The following STAU1 variants were observed in gnomAD, a reference collection of about 807,000 sequenced individuals.
The protein encoded by STAU1 is staufen double-stranded RNA binding protein 1, also known as double-stranded RNA-binding protein Staufen homolog 1.
STAU1 carries 13 observed loss-of-function variants against 62.9 expected under a neutral mutation model. The ratio of observed to expected loss-of-function variants is 0.21; its 90% CI spans 0.13 to 0.33. The LOEUF is 0.33. Ranked by LOEUF, STAU1 falls within the 10% of genes least tolerant of loss-of-function variation. The pLI is 1.00. For synonymous variants in STAU1, 269 were observed against 265.1 expected (o/e 1.01, Z -0.14); for missense variants, 571 against 712.1 (o/e 0.80, Z 2.25).
At chr20:49,150,151 G>C (rs1174150139) in intron 5 of STAU1, among the ~76,000 whole-genome samples, 1 of 152,092 alleles carries the variant, frequency 6.6e-6, no homozygotes, top group African/African-American at 2.4e-5. Context: ...CCCCTCAATG[G>C]CATGGAGTTA....
chr20:49,171,691 C>T (rs2093599268), intron 2 of STAU1, among the ~76,000 whole-genome samples: 1 of 152,212 alleles, frequency 6.6e-6, no homozygotes, highest in African/African-American at 2.4e-5. Flanking sequence ...CTTCTCCCTC[C>T]CAGCCCCCCA....
chr20:49,191,397 G>A (rs2093831058), upstream of STAU1, among the ~76,000 whole-genome samples: 1 of 152,084 alleles, frequency 6.6e-6, no homozygotes, highest in Admixed American at 6.6e-5. Flanking sequence ...TATCTGTTGA[G>A]TATATCTATT....
At chr20:49,121,541 C>T (rs3092791) in intron 8 of STAU1, among the ~76,000 whole-genome samples, 111,921 of 152,128 alleles carry the variant, frequency 0.74, 42,054 homozygotes, top group African/African-American at 0.88. Flanking sequence ...CCATTATGTG[C>T]TGTCTGATTT....
At chr20:49,204,972 CCACT>C in the STAU1 span, among the ~76,000 whole-genome samples, 5 of 151,274 alleles carry the variant, frequency 3.3e-5, no homozygotes, top group African/African-American at 1.2e-4. Context: ...TTTTCTCCAC[CCACT>C]GTCATAAAAA....
At chr20:49,166,838 G>A (rs1340732371) in intron 2 of STAU1, among the ~76,000 whole-genome samples, 1 of 152,132 alleles carries the variant, frequency 6.6e-6, no homozygotes, top group Admixed American at 6.5e-5. Context: ...GGTGATGAGA[G>A]ATGTATTGTT....
rs572494256 is a variant in STAU1 at position 49,128,705 on chromosome 20, ACT to A, written c.610-4120_610-4119del. On this transcript the variant is annotated intron_variant, in intron 6 of 13. Coordinates refer to ENST00000371856, the MANE Select transcript of STAU1 (RefSeq NM_017453.4). ...TCCCAGCCTGGGCGACAAGAGCAAA[ACT>A]CTGTCTCAAAAAATAAAGGACTGTC... Among the ~76,000 whole-genome samples, 212 of 150,176 alleles carry A rather than the reference ACT, an allele frequency of 1.4e-3. 1 individual carries two copies. The highest frequency in any genetic ancestry group is 4.6e-3 in the African/African-American group (186 of 40,540).
chr20:49,213,286 C>T, the STAU1 span, among the ~76,000 whole-genome samples: 10 of 151,772 alleles, frequency 6.6e-5, no homozygotes, highest in East Asian at 1.9e-4. Context: ...GCTGGAGTGC[C>T]GTGGCGCAAT....
Position 49,145,241 on chromosome 20 carries a change from T to G in STAU1, c.510+6341A>C, listed in dbSNP as rs67493040. On this transcript the variant is annotated intron_variant, in intron 5 of 13. Coordinates refer to ENST00000371856, the MANE Select transcript of STAU1 (RefSeq NM_017453.4). ...GAGTTCGAGATGAGCCTGGCCAACA[T>G]GGTGAAACCCCATCTCTACTAAAAA... Among the ~76,000 whole-genome samples, 202 of 150,786 alleles carry G rather than the reference T, an allele frequency of 1.3e-3. 1 individual carries two copies. The highest frequency in any genetic ancestry group is 4.6e-3 in the African/African-American group (189 of 40,988).
intron 2 of STAU1, among the ~76,000 whole-genome samples, chr20:49,170,580 T>C (rs1369240562): frequency 6.6e-6 from 1 of 152,168 alleles, no homozygotes; most frequent in African/African-American, 2.4e-5. Context: ...CTTTAACTCC[T>C]GGCCTCAAGT....
the STAU1 span, among the ~76,000 whole-genome samples, chr20:49,209,850 T>C: frequency 2.0e-5 from 3 of 151,852 alleles, no homozygotes; most frequent in African/African-American, 4.8e-5. Flanking sequence ...AGATCGAGAC[T>C]ATCCTAGCCA....
the STAU1 span, among the ~76,000 whole-genome samples, chr20:49,210,048 CA>C: frequency 2.0e-5 from 3 of 150,378 alleles, no homozygotes; most frequent in South Asian, 2.1e-4. Flanking sequence ...CACTCTGTCT[CA>C]AAAAAAAATA....
chr20:49,114,857 T>C lies in STAU1; in HGVS notation c.*21A>G. On this transcript the variant is annotated 3_prime_UTR_variant, in exon 14 of 14. Coordinates refer to ENST00000371856, the MANE Select transcript of STAU1 (RefSeq NM_017453.4). ...CAGTATATATGTTGGGATTTTATAA[T>C]GGTTCATGGCCAGAAAAGGTTCAGC... 1 of 1,612,750 alleles carries C rather than the reference T, an allele frequency of 6.2e-7. No individual in the cohort carries two copies. The highest frequency in any genetic ancestry group is 8.5e-7 in the Non-Finnish European group (1 of 1,179,120).
chr20:49,201,623 T>G, the STAU1 span, among the ~76,000 whole-genome samples: 2 of 151,866 alleles, frequency 1.3e-5, no homozygotes, highest in African/African-American at 4.8e-5. Context: ...GCACCTGTAA[T>G]TCCAGCTATT....
chr20:49,146,889 A>G (rs559218104), intron 5 of STAU1, among the ~76,000 whole-genome samples: 1 of 152,220 alleles, frequency 6.6e-6, no homozygotes, highest in African/African-American at 2.4e-5. Context: ...TCCTAGTAAC[A>G]GACATTTAAG....
the STAU1 span, among the ~76,000 whole-genome samples, chr20:49,202,262 C>CAGAAAGAAAGAAAGAAAGAAAG: frequency 9.2e-6 from 1 of 109,048 alleles, no homozygotes; most frequent in Non-Finnish European, 2.0e-5. Flanking sequence ...AAGAAAGAAT[C>CAGAAAGAAAGAAAGAAAGAAAG]AACTAGAATA....
chr20:49,158,521 C>T (rs1348850085), intron 3 of STAU1: 1 of 1,303,060 alleles, frequency 7.7e-7, no homozygotes. Context: ...ACAAAGAATC[C>T]TTTATTGGCC....
chr20:49,190,561 T>G (rs1600933396), upstream of STAU1, among the ~76,000 whole-genome samples: 1 of 152,136 alleles, frequency 6.6e-6, no homozygotes, highest in African/African-American at 2.4e-5. Context: ...TCCTCTTGCC[T>G]CAATCTTCCA....
At position 49,115,845 on chromosome 20, in the gene STAU1, A is replaced by C. The variant is rs749055288; in HGVS notation, c.1655T>G (p.Leu552Trp). 6.2e-7 allele frequency: 1 copy of C among 1,614,134 alleles called. No homozygotes were observed. The highest frequency in any genetic ancestry group is 8.5e-7 in the Non-Finnish European group (1 of 1,180,018). ...ACTTTGTTGGTCCAACTCAGACAGCAACTTTAAGATGTTCAGCGCAGCCTA... is the reference window on the plus strand; with the variant it reads ...ACTTTGTTGGTCCAACTCAGACAGCCACTTTAAGATGTTCAGCGCAGCCTA... Reference protein sequence around the residue: ...HDMAALNILKLLSELDQQSTE... With the variant: ...HDMAALNILKWLSELDQQSTE... Residue 552 changes from leucine (L) to tryptophan (W), a missense_variant, in exon 13 of 14, where the codon TTG becomes TGG. Physicochemically the swap from Leu to Trp is moderately conservative, Grantham distance 61. Coordinates refer to ENST00000371856, the MANE Select transcript of STAU1 (RefSeq NM_017453.4).
At chr20:49,215,687 A>C in the STAU1 span, among the ~76,000 whole-genome samples, 4 of 152,146 alleles carry the variant, frequency 2.6e-5, no homozygotes, top group Non-Finnish European at 5.9e-5. Context: ...ATTCACCTTG[A>C]GTCTCCGAGA....
Sources: gnomAD v4.1 joint callset for allele counts (sites outside exome capture counted in the v4.1 genomes callset) on GRCh38, gnomAD v4.1.1 for gene constraint, MANE v1.5 for transcripts, NCBI Gene and HGNC (gene_info 2026-07-23, HGNC 2026-07-21) for gene names.